EVA1A: variants seen among roughly 807,000 people sequenced by gnomAD.
EVA1A encodes the protein eva-1 homolog A, regulator of programmed cell death.
A neutral mutation model predicts 9.8 loss-of-function variants in EVA1A; 7 were observed. The ratio of observed to expected loss-of-function variants is 0.71; its 90% CI spans 0.41 to 1.34. The LOEUF is 1.34. EVA1A is among the 40% of genes most tolerant of loss of function. The pLI, the probability that EVA1A is intolerant of heterozygous loss-of-function variation, is 0.01. For synonymous variants in EVA1A, 90 were observed against 85.6 expected, an observed-to-expected ratio of 1.05 and a Z score of -0.28; for missense variants, 206 against 205.9, an observed-to-expected ratio of 1.00 and a Z score of 0.00.
At chr2:75,539,408 C>T (rs1676032525) in intron 1 of EVA1A, among the ~76,000 whole-genome samples, 2 of 152,214 alleles carry the variant, frequency 1.3e-5, no homozygotes, top group South Asian at 4.1e-4. Flanking sequence ...CTCCACCATG[C>T]CCTATCTTTA....
chr2:75,529,386 A>G (rs1245434116), intron 1 of EVA1A, among the ~76,000 whole-genome samples: 1 of 152,224 alleles, frequency 6.6e-6, no homozygotes, highest in East Asian at 1.9e-4. Flanking sequence ...ACTATACCCT[A>G]GAACAAAGGA....
chr2:75,517,975 G>C (rs1675073950), intron 3 of EVA1A, 81 bp downstream of exon 3: 12 of 1,511,838 alleles, frequency 7.9e-6, no homozygotes, highest in Non-Finnish European at 1.8e-6. Context: ...CTGAGAATAA[G>C]GCCAGAGATG....
In EVA1A at chr2:75,511,318, T is replaced by G. The variant is rs546019168; in HGVS notation, c.85+6738A>C. On this transcript the variant is annotated intron_variant, in intron 3 of 3. Transcript: ENST00000393913. ...CTCTACAACAGCACTTGAACATACA[T>G]GTCATAGTTATTTATTGCAGCTCTG... Among the ~76,000 whole-genome samples, 728 of 152,334 alleles carry G rather than the reference T, an allele frequency of 4.8e-3. 6 individuals carry two copies. The highest frequency in any genetic ancestry group is 6.8e-3 in the Middle Eastern group (2 of 294).
At chr2:75,512,858 C>G (rs1388699416) in intron 3 of EVA1A, among the ~76,000 whole-genome samples, 3 of 152,120 alleles carry the variant, frequency 2.0e-5, no homozygotes, top group African/African-American at 7.2e-5. Flanking sequence ...CAAAATACCT[C>G]CAGACATTGC....
intron 3 of EVA1A, among the ~76,000 whole-genome samples, chr2:75,502,662 C>T (rs1302647112): frequency 6.6e-6 from 1 of 151,992 alleles, no homozygotes; most frequent in Non-Finnish European, 1.5e-5. Context: ...ATGATAGATA[C>T]ATACATACAT....
At chr2:75,565,648 C>A (rs7597258), upstream of EVA1A, among the ~76,000 whole-genome samples, 1 of 152,050 alleles carries the variant, frequency 6.6e-6, no homozygotes, top group Admixed American at 6.5e-5. Context: ...TTACAAGAAG[C>A]CTTCAAACTT....
Position 75,566,026 on chromosome 2 carries a change from C to T in EVA1A, c.-192+3450G>A, listed in dbSNP as rs192620572. 6.3e-3 allele frequency among the ~76,000 whole-genome samples: 964 copies of T among 152,168 alleles called. 10 individuals are homozygous for T. Among genetic ancestry groups the T allele is most frequent in the South Asian group, 0.03 (145 of 4,804 alleles). On this transcript the variant is annotated intron_variant, in intron 1 of 3. Coordinates refer to the EVA1A transcript ENST00000233712. ...CTCTCTCTTTCTCCAGTTGTCTCACCTTTGGTATTACATTTCCTGGCAAAG... is the reference window on the plus strand; with the variant it reads ...CTCTCTCTTTCTCCAGTTGTCTCACTTTTGGTATTACATTTCCTGGCAAAG...
At chr2:75,541,490 T>C (rs1676116613) in intron 1 of EVA1A, among the ~76,000 whole-genome samples, 1 of 152,180 alleles carries the variant, frequency 6.6e-6, no homozygotes, top group Admixed American at 6.5e-5. Flanking sequence ...CCCTAATCTC[T>C]ATGCCCTCAT....
upstream of EVA1A, among the ~76,000 whole-genome samples, chr2:75,565,555 A>T (rs1405809401): frequency 6.6e-6 from 1 of 152,212 alleles, no homozygotes; most frequent in Non-Finnish European, 1.5e-5. Flanking sequence ...CTACCCCACA[A>T]GGTAGGAAAT....
intron 1 of EVA1A, among the ~76,000 whole-genome samples, chr2:75,527,136 C>A (rs1468612674): frequency 6.6e-6 from 1 of 152,162 alleles, no homozygotes; most frequent in Non-Finnish European, 1.5e-5. Context: ...AGCCACTCTA[C>A]TTTAGCCAAA....
intron 1 of EVA1A, among the ~76,000 whole-genome samples, chr2:75,529,977 A>G (rs1289750721): frequency 6.6e-6 from 1 of 152,246 alleles, no homozygotes; most frequent in East Asian, 1.9e-4. Flanking sequence ...ATCTGAAAAG[A>G]TAAACAAAAT....
chr2:75,565,057 C>A (rs2104006355), upstream of EVA1A, among the ~76,000 whole-genome samples: 1 of 152,292 alleles, frequency 6.6e-6, no homozygotes, highest in East Asian at 1.9e-4. Flanking sequence ...CCCGATATGT[C>A]CTCACCCAAA....
intron 3 of EVA1A, among the ~76,000 whole-genome samples, chr2:75,495,893 TG>T (rs1674194951): frequency 6.6e-6 from 1 of 152,240 alleles, no homozygotes; most frequent in Admixed American, 6.5e-5. Flanking sequence ...TTTCCTCCTT[TG>T]TTGGTTGTCT....
At chr2:75,554,641 G>A (rs908170536) in intron 1 of EVA1A, among the ~76,000 whole-genome samples, 6 of 152,160 alleles carry the variant, frequency 3.9e-5, no homozygotes, top group Admixed American at 3.9e-4. Flanking sequence ...TTAGTTGTGG[G>A]TGTGACCCTG....
intron 3 of EVA1A, among the ~76,000 whole-genome samples, chr2:75,494,363 C>T (rs1489256241): frequency 1.3e-5 from 2 of 152,094 alleles, no homozygotes; most frequent in Non-Finnish European, 2.9e-5. Flanking sequence ...CTGCGTATAC[C>T]GAGGGACGAC....
At chr2:75,505,586 G>A (rs1346813774) in intron 3 of EVA1A, among the ~76,000 whole-genome samples, 1 of 152,104 alleles carries the variant, frequency 6.6e-6, no homozygotes, top group Non-Finnish European at 1.5e-5. Context: ...GCTGAGGCAG[G>A]TGAATCACAA....
intron 3 of EVA1A, among the ~76,000 whole-genome samples, chr2:75,500,747 CT>C (rs1314866864): frequency 1.3e-5 from 2 of 151,662 alleles, no homozygotes; most frequent in Admixed American, 1.3e-4. Flanking sequence ...CCTCCCTCCC[CT>C]TTTCAACCTT....
intron 1 of EVA1A, among the ~76,000 whole-genome samples, chr2:75,529,597 C>T (rs573741439): frequency 1.4e-4 from 21 of 152,188 alleles, no homozygotes; most frequent in African/African-American, 4.8e-4. Context: ...CAAAAGGAAC[C>T]CTCAAAACCA....
chr2:75,541,678 C>A (rs955707352), intron 1 of EVA1A: 1 of 153,014 alleles, frequency 6.5e-6, no homozygotes, highest in African/African-American at 2.4e-5. Flanking sequence ...AGAGATCCCT[C>A]CAGCTCAACA....
Sources: gnomAD v4.1 joint callset for allele counts (sites outside exome capture counted in the v4.1 genomes callset) on GRCh38, gnomAD v4.1.1 for gene constraint, MANE v1.5 for transcripts, NCBI Gene and HGNC (gene_info 2026-07-23, HGNC 2026-07-21) for gene names.